The following VCL variants were observed in gnomAD, a reference collection of about 807,000 sequenced individuals.
VCL encodes the protein vinculin.
Under a neutral mutation model 125.7 loss-of-function variants are expected in VCL, and 47 were observed. That is an observed-to-expected ratio of 0.37 (90% CI 0.30 to 0.48). VCL has a LOEUF of 0.48. Among genes scored for constraint, VCL ranks in the 20% least tolerant of loss-of-function variants. VCL has a pLI of 0.99. For synonymous variants in VCL, 458 were observed against 514.6 expected, an observed-to-expected ratio of 0.89 and a Z score of 1.49; for missense variants, 1,069 against 1,455.5, an observed-to-expected ratio of 0.73 and a Z score of 4.32.
Position 74,114,779 on chromosome 10 carries a change from TA to T in VCL, c.3154-13del. The stretch of plus-strand genomic sequence containing the variant: ...AGGCAAACAGAGAAACATACCAAAT[TA>T]AACTTTCTCTTTAGGTATGTGAGCG... On this transcript the variant is annotated splice_polypyrimidine_tract_variant and intron_variant, in intron 20 of 21. Coordinates refer to ENST00000211998, the MANE Select transcript of VCL (RefSeq NM_014000.3). 6.3e-7 allele frequency: 1 copy of T among 1,591,130 alleles called. No individual in the cohort carries two copies.
At position 74,072,270 on chromosome 10, in the gene VCL, C is replaced by G. The variant is rs1841672625; in HGVS notation, c.500-460C>G. On this transcript the variant is annotated intron_variant, in intron 4 of 21. Coordinates refer to ENST00000211998, the MANE Select transcript of VCL (RefSeq NM_014000.3). ...CTTATTTTGGACAAATTGGAAAGTA[C>G]AGACAAATAGAAATATGAAAACAAA... is the stretch of plus-strand genomic sequence containing the variant. 3.9e-5 allele frequency among the ~76,000 whole-genome samples: 6 copies of G among 151,992 alleles called. No individual in the cohort carries two copies. In the South Asian group the frequency reaches 1.2e-3, roughly 32 times the overall value.
chr10:74,114,472 G>A, intron 20 of VCL, 85 bp downstream of exon 20: 1 of 1,481,240 alleles, frequency 6.8e-7, no homozygotes. Flanking sequence ...GGGTATGAGA[G>A]GGAGAAAAGC....
At chr10:74,075,070 T>G (rs1330220335) in intron 6 of VCL, 167 bp downstream of exon 6, 1 of 883,396 alleles carries the variant, frequency 1.1e-6, no homozygotes, top group Non-Finnish European at 1.7e-6. Context: ...TTACTTGCTA[T>G]CTTTGCTAAT....
chr10:74,083,846 C>T (rs1839720927), intron 8 of VCL, among the ~76,000 whole-genome samples: 1 of 151,178 alleles, frequency 6.6e-6, no homozygotes, highest in African/African-American at 2.5e-5. Flanking sequence ...CGCCCGCCAT[C>T]ACACCTGGCT....
chr10:74,112,924 A>G (rs1208184542), intron 19 of VCL, among the ~76,000 whole-genome samples: 1 of 152,192 alleles, frequency 6.6e-6, no homozygotes, highest in Non-Finnish European at 1.5e-5. Flanking sequence ...CTAGGTCTGC[A>G]CTAGAAGAGG....
chr10:74,043,383 G>A (rs1353356618), intron 2 of VCL, among the ~76,000 whole-genome samples: 2 of 150,714 alleles, frequency 1.3e-5, no homozygotes, highest in Admixed American at 6.6e-5. Context: ...TTTCACCCTC[G>A]TCACCCAGTT....
intron 2 of VCL, among the ~76,000 whole-genome samples, chr10:74,046,162 C>T (rs561144438): frequency 4.2e-4 from 64 of 152,052 alleles, no homozygotes; most frequent in African/African-American, 1.5e-3. Flanking sequence ...TTTGTCCTAC[C>T]TTCATTGGAC....
At chr10:74,111,472 A>G (rs1840217133) in intron 18 of VCL, among the ~76,000 whole-genome samples, 1 of 152,204 alleles carries the variant, frequency 6.6e-6, no homozygotes, top group Admixed American at 6.5e-5. Flanking sequence ...TGTTCTGTAC[A>G]AAGTAACTTG....
chr10:74,058,490 TTA>T (rs1841424347), intron 2 of VCL, among the ~76,000 whole-genome samples: 1 of 152,206 alleles, frequency 6.6e-6, no homozygotes, highest in Non-Finnish European at 1.5e-5. Flanking sequence ...TTGACAGTAT[TTA>T]TAACCTAAAA....
chr10:74,063,451 G>C (rs1188647504), intron 2 of VCL, among the ~76,000 whole-genome samples: 1 of 152,162 alleles, frequency 6.6e-6, no homozygotes, highest in Non-Finnish European at 1.5e-5. Context: ...ACCTTTTCCA[G>C]CTTCTAGAGG....
intron 8 of VCL, among the ~76,000 whole-genome samples, chr10:74,084,049 T>C (rs1487435237): frequency 2.6e-5 from 4 of 152,114 alleles, no homozygotes; most frequent in African/African-American, 4.8e-5. Flanking sequence ...GTATTTTTAG[T>C]ACAGACGGGG....
In VCL at chr10:74,110,754, C is replaced by T. The variant is rs561593747; in HGVS notation, c.2746-1155C>T. On this transcript the variant is annotated intron_variant, in intron 18 of 21. Coordinates refer to ENST00000211998, the MANE Select transcript of VCL (RefSeq NM_014000.3). ...AAAGAAAATTCCATATAAACTACTT[C>T]CTCTTGAGTACAGATGTTTGATGTA... Among the ~76,000 whole-genome samples the T allele has an allele frequency of 2.0e-5, 3 of 152,296 alleles. No individual in the cohort carries two copies. In the South Asian group the frequency reaches 6.2e-4, roughly 32 times the overall value.
At chr10:74,120,305 A>G (rs544380855), downstream of VCL, 1 of 152,358 alleles carries the variant, frequency 6.6e-6, no homozygotes, top group African/African-American at 2.4e-5. Flanking sequence ...TGGAAGAAGA[A>G]ATCAACAGTG....
At chr10:74,105,918 T>TAGTGC (rs1564533248) in intron 16 of VCL, among the ~76,000 whole-genome samples, 3 of 147,570 alleles carry the variant, frequency 2.0e-5, no homozygotes, top group African/African-American at 7.6e-5. Flanking sequence ...TGCGCTTTTT[T>TAGTGC]TTTTTTTTTT....
chr10:74,058,189 G>A (rs1841420439), intron 2 of VCL, among the ~76,000 whole-genome samples: 1 of 152,124 alleles, frequency 6.6e-6, no homozygotes, highest in East Asian at 1.9e-4. Context: ...TGACAGTGAG[G>A]GAGGTGCTGG....
At position 74,071,636 on chromosome 10, in the gene VCL, C is replaced by T. The variant is rs1841665568; in HGVS notation, c.499+553C>T. Among the ~76,000 whole-genome samples the T allele has an allele frequency of 6.6e-6, 1 of 152,156 alleles. No individual in the cohort carries two copies. Among genetic ancestry groups the T allele is most frequent in the South Asian group, 2.1e-4 (1 of 4,828 alleles). On this transcript the variant is annotated intron_variant, in intron 4 of 21. Coordinates refer to ENST00000211998, the MANE Select transcript of VCL (RefSeq NM_014000.3). This position sits in a 1 kb window ranked among gnomAD's most constrained non-coding sequence, Gnocchi z 4.1. ...AAACGGATACCAGCTTTTGATGTTA[C>T]AGACATATAACATGAACTTGAGGGT...
rs943792599 is a variant in VCL at position 74,095,651 on chromosome 10, T to C, written c.1544-5T>C. The C allele has an allele frequency of 1.2e-6, 2 of 1,613,556 alleles. No homozygotes were observed. On this transcript the variant is annotated splice_region_variant and splice_polypyrimidine_tract_variant and intron_variant, in intron 11 of 21. Transcript: ENST00000211998. ...GTAAGTTTCATTGTTTTTCTCTTGGTCCAGGTCAGGCTGCCATCCGGGGGC... is the reference window on the plus strand; with the variant it reads ...GTAAGTTTCATTGTTTTTCTCTTGGCCCAGGTCAGGCTGCCATCCGGGGGC...
chr10:74,057,671 G>A (rs963369381), intron 2 of VCL, among the ~76,000 whole-genome samples: 7 of 152,202 alleles, frequency 4.6e-5, no homozygotes, highest in East Asian at 3.9e-4. Flanking sequence ...GGTGGCTCAC[G>A]TTGTAATCCC....
At chr10:74,099,435 T>A (rs1321797696) in intron 13 of VCL, among the ~76,000 whole-genome samples, 1 of 145,542 alleles carries the variant, frequency 6.9e-6, no homozygotes, top group Non-Finnish European at 1.5e-5. Context: ...TAAGTGCTTT[T>A]TCTTTTGCTC....
Sources: gnomAD v4.1 joint callset for allele counts (sites outside exome capture counted in the v4.1 genomes callset) on GRCh38, gnomAD v4.1.1 for gene constraint, Gnocchi (gnomAD v3.1) non-coding constraint, MANE v1.5 for transcripts, NCBI Gene and HGNC (gene_info 2026-07-23, HGNC 2026-07-21) for gene names.